The following ZWILCH variants were observed in gnomAD, a reference collection of about 807,000 sequenced individuals.
The protein encoded by ZWILCH is protein zwilch homolog.
Under a neutral mutation model 79.9 loss-of-function variants are expected in ZWILCH, and 74 were observed. The ratio of observed to expected loss-of-function variants is 0.93; its 90% CI spans 0.77 to 1.12. The LOEUF (loss-of-function observed/expected upper bound fraction) is 1.12, where lower values mean the gene tolerates loss of function less well. Ranked by LOEUF, ZWILCH falls within the 50% of genes most tolerant of loss-of-function variation. The probability of loss-of-function intolerance (pLI) is 0.00; values close to 1 mark genes in which losing one functional copy is unlikely to be tolerated. For synonymous variants in ZWILCH, 241 were observed against 228.2 expected (o/e 1.06, Z -0.51); for missense variants, 694 against 687.5 (o/e 1.01, Z -0.11).
chr15:66,513,057 T>TCCAGCCTGTAATCA (rs1422260749), intron 2 of ZWILCH, among the ~76,000 whole-genome samples: 2 of 151,930 alleles, frequency 1.3e-5, no homozygotes, highest in Non-Finnish European at 2.9e-5. Flanking sequence ...AGCCTCCCAA[T>TCCAGCCTGTAATCA]GTGCTGGGAT....
intron 14 of ZWILCH, among the ~76,000 whole-genome samples, chr15:66,534,519 T>A (rs1894951597): frequency 6.6e-6 from 1 of 152,154 alleles, no homozygotes; most frequent in Admixed American, 6.6e-5. Context: ...TTGTTCAAAT[T>A]TCAGGGAGTG....
At chr15:66,514,176 A>C in intron 3 of ZWILCH, 93 bp downstream of exon 3, 1 of 823,134 alleles carries the variant, frequency 1.2e-6, no homozygotes, top group South Asian at 1.8e-5. Context: ...TAAAATCAGC[A>C]TCGGTGAAAA....
At chr15:66,515,197 C>T (rs931815587) in intron 3 of ZWILCH, among the ~76,000 whole-genome samples, 1 of 152,040 alleles carries the variant, frequency 6.6e-6, no homozygotes, top group Non-Finnish European at 1.5e-5. Flanking sequence ...TGATTCTCCT[C>T]CTCAGTCTCC....
intron 6 of ZWILCH, among the ~76,000 whole-genome samples, 164 bp downstream of exon 6, chr15:66,520,824 C>G (rs1408231704): frequency 2.0e-5 from 3 of 152,074 alleles, no homozygotes; most frequent in Non-Finnish European, 2.9e-5. Flanking sequence ...ATTAAAATGC[C>G]TTCATGCCTT....
rs1323466852 is a variant in ZWILCH, at chr15:66,520,649, C to T, written c.580C>T (p.His194Tyr). 1.1e-5 allele frequency: 17 copies of T among 1,552,380 alleles called. No homozygotes were observed. Among genetic ancestry groups the T allele is most frequent in the African/African-American group, 2.7e-5 (2 of 73,384 alleles). ...AAAAAATTTACACAAGAAAAGACATCACTTGTCTACTGTAAGTGTTTTGCT... is the reference window on the plus strand; with the variant it reads ...AAAAAATTTACACAAGAAAAGACATTACTTGTCTACTGTAAGTGTTTTGCT... ...NLKNLHKKRH[H>Y]LSTVTSKGFA... Residue 194 changes from histidine to tyrosine, a missense_variant, in exon 6 of 19, where the codon CAC becomes TAC. His to Tyr is a moderately conservative substitution (Grantham distance 83). Coordinates refer to ENST00000307897, the MANE Select transcript of ZWILCH (RefSeq NM_017975.5).
At chr15:66,527,944 C>T (rs771096681) in intron 10 of ZWILCH, 32 bp downstream of exon 10, 1 of 1,542,066 alleles carries the variant, frequency 6.5e-7, no homozygotes, top group Non-Finnish European at 8.8e-7. Context: ...GAAATATACA[C>T]AGAAATAGCT....
chr15:66,530,129 G>T (rs1415045229), intron 12 of ZWILCH, among the ~76,000 whole-genome samples: 3 of 152,126 alleles, frequency 2.0e-5, no homozygotes, highest in African/African-American at 7.2e-5. Flanking sequence ...TCTTGCTAAT[G>T]GAATGGCTAA....
chr15:66,509,597 T>C (rs865976707), intron 2 of ZWILCH, among the ~76,000 whole-genome samples: 15 of 152,050 alleles, frequency 9.9e-5, no homozygotes, highest in Admixed American at 7.2e-4. Flanking sequence ...TTTCCAGTTT[T>C]TGATGATTAT....
intron 4 of ZWILCH, among the ~76,000 whole-genome samples, chr15:66,516,707 A>G (rs963971342): frequency 6.6e-6 from 1 of 152,174 alleles, no homozygotes; most frequent in African/African-American, 2.4e-5. Context: ...GGGTTTCACC[A>G]TGTTAGCCAG....
Position 66,528,910 on chromosome 15 carries a change from G to T in ZWILCH, c.1028G>T (p.Arg343Leu), listed in dbSNP as rs200970538. The T allele has an allele frequency of 9.3e-6, 15 of 1,613,942 alleles. No individual in the cohort carries two copies. The highest frequency in any genetic ancestry group is 6.8e-6 in the Non-Finnish European group (8 of 1,180,022). Residue 343 changes from arginine to leucine, a missense_variant, in exon 11 of 19, where the codon CGG becomes CTG. Coordinates refer to ENST00000307897, the MANE Select transcript of ZWILCH (RefSeq NM_017975.5). ...TCCGTCAAGCGTCTTTTCAAAGTTC[G>T]GAGTGATCTTGATTTTGCTGAGCAA... ...DRSVKRLFKV[R>L]SDLDFAEQLW...
At chr15:66,525,960 C>T (rs559539760) in intron 8 of ZWILCH, among the ~76,000 whole-genome samples, 23 of 151,774 alleles carry the variant, frequency 1.5e-4, no homozygotes, top group Admixed American at 6.6e-4. Flanking sequence ...AGAGGGGTTT[C>T]GCCACGTTGG....
rs755209627 is a variant in ZWILCH, at chr15:66,520,672, G to C, written c.591+12G>C. ...ATCACTTGTCTACTGTAAGTGTTTT[G>C]CTTCTACTCATATTATTTTCTTCAA... On this transcript the variant is annotated intron_variant, in intron 6 of 18. Coordinates refer to ENST00000307897, the MANE Select transcript of ZWILCH (RefSeq NM_017975.5). 6.6e-7 allele frequency: 1 copy of C among 1,519,920 alleles called. No individual in the cohort carries two copies. Among genetic ancestry groups the C allele is most frequent in the African/African-American group, 1.4e-5 (1 of 71,552 alleles). The allele number at this position is 1,519,920 out of a possible 1,614,324, so 94.2% of individuals were successfully genotyped here.
At chr15:66,522,935 G>T (rs1320380438) in intron 7 of ZWILCH, among the ~76,000 whole-genome samples, 1 of 152,104 alleles carries the variant, frequency 6.6e-6, no homozygotes, top group Non-Finnish European at 1.5e-5. Context: ...CTATTCTCCT[G>T]CCTCAGCCTC....
In ZWILCH at chr15:66,506,202, C is replaced by G. The variant is rs543006134; in HGVS notation, c.53+811C>G. ...AATTTTTCATTGTTTATCTTCATTG[C>G]TTTTTTTCCTGCTTACAAAAGTAGT... is the stretch of plus-strand genomic sequence containing the variant. On this transcript the variant is annotated intron_variant, in intron 1 of 18. Coordinates refer to ENST00000307897, the MANE Select transcript of ZWILCH (RefSeq NM_017975.5). Among the ~76,000 whole-genome samples the G allele has an allele frequency of 4.9e-4, 74 of 152,186 alleles. No homozygotes were observed. The Middle Eastern group carries it at 0.014, about 28-fold the overall frequency.
chr15:66,513,750 T>G (rs912697330), intron 2 of ZWILCH, among the ~76,000 whole-genome samples: 1 of 151,988 alleles, frequency 6.6e-6, no homozygotes, highest in Non-Finnish European at 1.5e-5. Context: ...TTTTTGTATT[T>G]TTAGTAGAGA....
intron 12 of ZWILCH, among the ~76,000 whole-genome samples, chr15:66,530,485 A>T (rs1170393218): frequency 6.6e-6 from 1 of 152,148 alleles, no homozygotes. Flanking sequence ...AAAATCAAAA[A>T]AATTAGCCAG....
chr15:66,536,200 G>T, intron 15 of ZWILCH, 131 bp downstream of exon 15: 1 of 773,574 alleles, frequency 1.3e-6, no homozygotes, highest in Non-Finnish European at 1.9e-6. Flanking sequence ...TAGCATGCAT[G>T]AGTCTAAGTC....
At chr15:66,541,572 G>A in intron 17 of ZWILCH, among the ~76,000 whole-genome samples, 1 of 152,126 alleles carries the variant, frequency 6.6e-6, no homozygotes. Flanking sequence ...AATAAGGGTT[G>A]AGATTGCTAG....
intron 16 of ZWILCH, among the ~76,000 whole-genome samples, chr15:66,537,811 G>C (rs537089080): frequency 6.6e-6 from 1 of 152,198 alleles, no homozygotes; most frequent in Admixed American, 6.5e-5. Flanking sequence ...CCAGAGCTTC[G>C]TCACCTCTGA....
Sources: gnomAD v4.1 joint callset for allele counts (sites outside exome capture counted in the v4.1 genomes callset) on GRCh38, gnomAD v4.1.1 for gene constraint, MANE v1.5 for transcripts, NCBI Gene and HGNC (gene_info 2026-07-23, HGNC 2026-07-21) for gene names.